The following EFHD1 variants were observed in gnomAD, a reference collection of about 807,000 sequenced individuals.
EFHD1 encodes the protein EF-hand domain family member D1.
In EFHD1, 10 loss-of-function variants were observed where a neutral mutation model predicts 17.2. The observed-to-expected ratio is 0.58, with a 90% CI of 0.36 to 0.99. The LOEUF is 0.99. EFHD1 is among the 50% of genes least tolerant of loss of function. The pLI is 0.01. For synonymous variants in EFHD1, 153 were observed against 142.0 expected (o/e 1.08, Z -0.55); for missense variants, 310 against 327.5 (o/e 0.95, Z 0.41).
chr2:232,636,890 A>G (rs921314572), intron 1 of EFHD1, among the ~76,000 whole-genome samples: 1 of 152,094 alleles, frequency 6.6e-6, no homozygotes, highest in African/African-American at 2.4e-5. Flanking sequence ...TGCTGAGTCC[A>G]CTTTATCTTT....
upstream of EFHD1, among the ~76,000 whole-genome samples, chr2:232,630,437 C>T (rs1464278458): frequency 6.6e-6 from 1 of 152,174 alleles, no homozygotes; most frequent in Non-Finnish European, 1.5e-5. Context: ...GCTATTTTCC[C>T]TCAGGGGCGG....
At chr2:232,636,185 C>T (rs955764540) in intron 1 of EFHD1, among the ~76,000 whole-genome samples, 1 of 152,156 alleles carries the variant, frequency 6.6e-6, no homozygotes, top group Non-Finnish European at 1.5e-5. Flanking sequence ...AAATGTAACA[C>T]ACCAATTTGT....
At chr2:232,641,989 G>C (rs1694440789) in intron 1 of EFHD1, among the ~76,000 whole-genome samples, 1 of 152,312 alleles carries the variant, frequency 6.6e-6, no homozygotes, top group Non-Finnish European at 1.5e-5. Flanking sequence ...CTCACAGCTG[G>C]AGCCCCGGGG....
intron 1 of EFHD1, among the ~76,000 whole-genome samples, chr2:232,643,003 G>A (rs57342563): frequency 0.036 from 5,419 of 152,274 alleles, 308 homozygotes; most frequent in African/African-American, 0.12. Context: ...CCCTGGGGCA[G>A]TGGTTGGTTG....
Position 232,617,640 on chromosome 2 carries a change from G to A in EFHD1, c.14+11467G>A, listed in dbSNP as rs1231803279. On this transcript the variant is annotated intron_variant, in intron 1 of 3. Transcript: ENST00000409613. ...TGCACTCCAGCCTGGGCAACAGAGC[G>A]AGACTCCGTCTCAAAAAAAAAAAAA... Among the ~76,000 whole-genome samples the A allele has an allele frequency of 6.9e-4, 90 of 131,202 alleles. 1 individual carries two copies. Among genetic ancestry groups the A allele is most frequent in the South Asian group, 1.3e-3 (5 of 3,900 alleles). The allele number at this position is 131,202 out of a possible 152,430, so 86.1% of individuals were successfully genotyped here.
intron 1 of EFHD1, among the ~76,000 whole-genome samples, chr2:232,649,128 A>G (rs1694588772): frequency 6.6e-6 from 1 of 152,196 alleles, no homozygotes; most frequent in Non-Finnish European, 1.5e-5. Context: ...AAGCCAAGAG[A>G]ATAAGTGACT....
At chr2:232,641,181 TA>T (rs2106197872) in intron 1 of EFHD1, among the ~76,000 whole-genome samples, 1 of 152,164 alleles carries the variant, frequency 6.6e-6, no homozygotes, top group East Asian at 1.9e-4. Flanking sequence ...TAACTGGGAC[TA>T]CAGGCACGAC....
intron 1 of EFHD1, among the ~76,000 whole-genome samples, chr2:232,614,930 T>C (rs10166451): frequency 0.64 from 97,426 of 151,798 alleles, 31,392 homozygotes; most frequent in East Asian, 0.69. Context: ...GAGCCGGGAT[T>C]GCGCCACTGC....
rs370732366 is a variant in EFHD1, at chr2:232,653,852, T to C, written c.303-8950T>C. Among the ~76,000 whole-genome samples, 11 of 152,180 alleles carry C rather than the reference T, an allele frequency of 7.2e-5. No homozygotes were observed. In the East Asian group the frequency reaches 1.2e-3, roughly 16 times the overall value. ...CTATGGGACTTGCCCACTGGGCTAG[T>C]GGGCTTCTGTTTCCCAGCACATTCT... is the stretch of plus-strand genomic sequence containing the variant. On this transcript the variant is annotated intron_variant, in intron 1 of 3. Transcript: ENST00000264059.
chr2:232,666,111 G>T (rs1213008643), intron 2 of EFHD1, among the ~76,000 whole-genome samples: 1 of 152,232 alleles, frequency 6.6e-6, no homozygotes, highest in Non-Finnish European at 1.5e-5. Context: ...GATGAACTGG[G>T]CTTGTCCCTT....
chr2:232,621,715 G>A (rs1574703020), intron 1 of EFHD1, among the ~76,000 whole-genome samples: 2 of 152,328 alleles, frequency 1.3e-5, no homozygotes, highest in Middle Eastern at 3.4e-3. Context: ...GCCTCCCAAA[G>A]TGCTGGGATT....
intron 1 of EFHD1, among the ~76,000 whole-genome samples, chr2:232,645,496 C>T (rs1041282871): frequency 7.2e-5 from 11 of 152,192 alleles, no homozygotes; most frequent in African/African-American, 2.7e-4. Context: ...CTGCTGACAG[C>T]CCTCACTCTT....
chr2:232,682,020 C>T lies in EFHD1; in HGVS notation c.*301C>T, dbSNP rs1695294151. On this transcript the variant is annotated 3_prime_UTR_variant, in exon 4 of 4. Transcript: ENST00000264059. ...CTTTGTCCTTGTCCCTTTACCATTC[C>T]CCATCAAAGAGTAGTCTGCTATATC... 1 of 314,152 alleles carries T rather than the reference C, an allele frequency of 3.2e-6. No individual in the cohort carries two copies. Among genetic ancestry groups the T allele is most frequent in the African/African-American group, 2.1e-5 (1 of 46,646 alleles). 19.5% of individuals were successfully genotyped at this position (314,152 alleles called of 1,614,324 possible).
At chr2:232,660,848 C>A (rs1182503477) in intron 1 of EFHD1, among the ~76,000 whole-genome samples, 1 of 152,052 alleles carries the variant, frequency 6.6e-6, no homozygotes, top group Non-Finnish European at 1.5e-5. Flanking sequence ...TGTGGTGGCA[C>A]ACACTTGTAA....
chr2:232,641,195 C>T (rs961656860), intron 1 of EFHD1, among the ~76,000 whole-genome samples: 2 of 152,116 alleles, frequency 1.3e-5, no homozygotes, highest in African/African-American at 4.8e-5. Context: ...GGCACGACCA[C>T]CATGCCCAGC....
rs146702236 is a variant in EFHD1, at chr2:232,674,908, T to G, written c.585+2465T>G. Among the ~76,000 whole-genome samples the G allele has an allele frequency of 5.0e-3, 760 of 152,132 alleles. 7 individuals are homozygous for G. Among genetic ancestry groups the G allele is most frequent in the African/African-American group, 0.017 (719 of 41,510 alleles). On this transcript the variant is annotated intron_variant, in intron 3 of 3. Coordinates refer to ENST00000264059, the MANE Select transcript of EFHD1 (RefSeq NM_025202.4). ...CTGGAGAGGCGTCCCAATGTGAGGATACAGGATGTGTGAGGGAGCAGGGCT... is the reference window on the plus strand; with the variant it reads ...CTGGAGAGGCGTCCCAATGTGAGGAGACAGGATGTGTGAGGGAGCAGGGCT...
At chr2:232,644,884 C>T (rs188847465) in intron 1 of EFHD1, among the ~76,000 whole-genome samples, 376 of 149,170 alleles carry the variant, frequency 2.5e-3, no homozygotes, top group Non-Finnish European at 3.8e-3. Flanking sequence ...TCAGGTGATC[C>T]GCCCACCTCG....
upstream of EFHD1, among the ~76,000 whole-genome samples, chr2:232,628,644 TG>T (rs1364425437): frequency 6.6e-6 from 1 of 152,186 alleles, no homozygotes; most frequent in Non-Finnish European, 1.5e-5. Flanking sequence ...CTTGTCCAGA[TG>T]CCACAGAAAT....
At chr2:232,659,946 C>A (rs1419659043) in intron 1 of EFHD1, among the ~76,000 whole-genome samples, 1 of 152,018 alleles carries the variant, frequency 6.6e-6, no homozygotes, top group Non-Finnish European at 1.5e-5. Context: ...TTTTGAACAA[C>A]CAGGTCTTGC....
Sources: allele counts gnomAD v4.1 joint callset (sites outside exome capture counted in the v4.1 genomes callset), GRCh38; gene constraint gnomAD v4.1.1; transcripts MANE v1.5; gene names NCBI Gene and HGNC (gene_info 2026-07-23, HGNC 2026-07-21).